Variants in AOPEP observed in about 807,000 individuals in gnomAD.
The protein encoded by AOPEP is aminopeptidase O (putative).
A neutral mutation model predicts 98.1 loss-of-function variants in AOPEP; 77 were observed. That is an observed-to-expected ratio of 0.78 (90% CI 0.65 to 0.95). The LOEUF (loss-of-function observed/expected upper bound fraction) is 0.95. Among genes scored for constraint, AOPEP ranks in the 40% least tolerant of loss-of-function variants. The pLI, the probability that AOPEP is intolerant of heterozygous loss-of-function variation, is 0.00. For missense variants in AOPEP, 1,024 were observed against 1,024.7 expected, an observed-to-expected ratio of 1.00 and a Z score of 0.01; for synonymous variants, 346 against 365.3, an observed-to-expected ratio of 0.95 and a Z score of 0.60.
At chr9:95,111,846 C>T in the AOPEP span, among the ~76,000 whole-genome samples, 1 of 152,166 alleles carries the variant, frequency 6.6e-6, no homozygotes, top group Non-Finnish European at 1.5e-5. Context: ...CCTCTCAGGA[C>T]CCCCGTGAGG....
At chr9:94,964,499 G>A (rs756371288) in intron 9 of AOPEP, among the ~76,000 whole-genome samples, 5 of 151,934 alleles carry the variant, frequency 3.3e-5, no homozygotes, top group African/African-American at 4.8e-5. Context: ...AATTCCCCCC[G>A]TTGCCATTGA....
chr9:94,747,360 C>G (rs1157581101), intron 1 of AOPEP, among the ~76,000 whole-genome samples: 1 of 152,002 alleles, frequency 6.6e-6, no homozygotes, highest in African/African-American at 2.4e-5. Flanking sequence ...ATGACATTGC[C>G]CCACGGGTAT....
At chr9:95,101,905 C>T in the AOPEP span, 1 of 1,608,486 alleles carries the variant, frequency 6.2e-7, no homozygotes. Flanking sequence ...ACAGATTTGT[C>T]CTTTGTCCAG....
rs921504091 is a variant in AOPEP at position 94,864,159 on chromosome 9, A to G, written c.1365-59827A>G. Among the ~76,000 whole-genome samples, 7 of 152,176 alleles carry G rather than the reference A, an allele frequency of 4.6e-5. 1 individual carries two copies. The highest frequency in any genetic ancestry group is 4.4e-5 in the Non-Finnish European group (3 of 68,028). ...TTTTGCATCTGCTATGTTCTGTGGT[A>G]ATTATTAGAGATAGAACAGAGAAAA... On this transcript the variant is annotated intron_variant, in intron 5 of 16. Coordinates refer to ENST00000375315, the MANE Select transcript of AOPEP (RefSeq NM_001193329.3).
rs1048284988 is a variant in AOPEP, at chr9:94,916,628, C to G, written c.1365-7358C>G. On this transcript the variant is annotated intron_variant, in intron 5 of 16. Coordinates refer to ENST00000375315, the MANE Select transcript of AOPEP (RefSeq NM_001193329.3). ...CTGAGACCAGAGAATTGCTTGAACCCGGGAGGTGGAGGTTGCAGTAAGCGC... is the reference window on the plus strand; with the variant it reads ...CTGAGACCAGAGAATTGCTTGAACCGGGGAGGTGGAGGTTGCAGTAAGCGC... Among the ~76,000 whole-genome samples the G allele has an allele frequency of 3.3e-5, 5 of 150,510 alleles. No individual in the cohort carries two copies. In the East Asian group the frequency reaches 9.8e-4, roughly 29 times the overall value.
intron 7 of AOPEP, among the ~76,000 whole-genome samples, chr9:94,946,478 G>C (rs2057642676): frequency 1.3e-5 from 2 of 151,996 alleles, no homozygotes; most frequent in African/African-American, 2.4e-5. Flanking sequence ...GCTTCTACCT[G>C]AGCAGTTCCA....
chr9:94,928,347 C>A, intron 6 of AOPEP, 78 bp from the exon 7 acceptor site: 1 of 1,040,022 alleles, frequency 9.6e-7, no homozygotes, highest in Non-Finnish European at 1.4e-6. Context: ...CCCATTGAAA[C>A]AAAGTGAGCC....
chr9:95,137,357 G>A, the AOPEP span, among the ~76,000 whole-genome samples: 1 of 152,148 alleles, frequency 6.6e-6, no homozygotes, highest in Non-Finnish European at 1.5e-5. Context: ...CTGCGGAGGA[G>A]CTGGCAGAAG....
intron 5 of AOPEP, among the ~76,000 whole-genome samples, chr9:94,903,217 A>T (rs537347166): frequency 1.3e-5 from 2 of 151,862 alleles, no homozygotes; most frequent in East Asian, 4.0e-4. Context: ...TCCTGACCTC[A>T]AGTCATCCAC....
the AOPEP span, among the ~76,000 whole-genome samples, chr9:95,107,887 A>C: frequency 6.6e-6 from 1 of 152,206 alleles, no homozygotes; most frequent in Non-Finnish European, 1.5e-5. Flanking sequence ...GAACCCACAT[A>C]ATAATGGTAA....
intron 5 of AOPEP, among the ~76,000 whole-genome samples, chr9:94,861,923 CCT>C (rs1222853044): frequency 6.6e-6 from 1 of 152,174 alleles, no homozygotes; most frequent in African/African-American, 2.4e-5. Context: ...CTCTTCTTGT[CCT>C]CAGAGTTGTT....
chr9:94,730,795 A>T (rs1030705017), intron 1 of AOPEP, among the ~76,000 whole-genome samples: 76 of 152,346 alleles, frequency 5.0e-4, no homozygotes, highest in African/African-American at 1.8e-3. Flanking sequence ...TGTAGTCATC[A>T]TCACAGTGGT....
the AOPEP span, among the ~76,000 whole-genome samples, chr9:95,094,905 C>T: frequency 7.9e-5 from 12 of 152,192 alleles, no homozygotes; most frequent in Non-Finnish European, 1.2e-4. Flanking sequence ...ACCTCGTGAT[C>T]TGCCTGCCTG....
chr9:94,986,144 T>A (rs1200819983), intron 11 of AOPEP, among the ~76,000 whole-genome samples: 4 of 152,160 alleles, frequency 2.6e-5, no homozygotes, highest in African/African-American at 9.7e-5. Flanking sequence ...CCAACAGCGT[T>A]GGTTTCTGGT....
At chr9:94,877,197 C>T (rs1396866348) in intron 5 of AOPEP, among the ~76,000 whole-genome samples, 1 of 152,104 alleles carries the variant, frequency 6.6e-6, no homozygotes, top group Non-Finnish European at 1.5e-5. Flanking sequence ...CCAAACCAGA[C>T]AGGAAGCAGA....
intron 3 of AOPEP, among the ~76,000 whole-genome samples, chr9:94,778,427 A>G (rs890085415): frequency 2.0e-5 from 3 of 148,052 alleles, no homozygotes; most frequent in African/African-American, 7.8e-5. Flanking sequence ...CACACAATGG[A>G]CCACTACTGA....
chr9:94,903,545 T>C (rs1588800908), intron 5 of AOPEP, among the ~76,000 whole-genome samples: 1 of 151,266 alleles, frequency 6.6e-6, no homozygotes, highest in Non-Finnish European at 1.5e-5. Flanking sequence ...TTCCAGTACA[T>C]TGGGAGGCTG....
chr9:95,000,799 A>G (rs1184869034), intron 11 of AOPEP, among the ~76,000 whole-genome samples: 1 of 152,136 alleles, frequency 6.6e-6, no homozygotes, highest in Non-Finnish European at 1.5e-5. Flanking sequence ...ACTTAATCCA[A>G]CCTTGATTTT....
intron 7 of AOPEP, among the ~76,000 whole-genome samples, chr9:94,950,368 C>A (rs1339812103): frequency 1.3e-5 from 2 of 152,304 alleles, no homozygotes; most frequent in East Asian, 3.9e-4. Context: ...CTGGGAGCTG[C>A]CCCAGTGACT....
Sources: gnomAD v4.1 joint callset for allele counts (sites outside exome capture counted in the v4.1 genomes callset) on GRCh38, gnomAD v4.1.1 for gene constraint, MANE v1.5 for transcripts, NCBI Gene and HGNC (gene_info 2026-07-23, HGNC 2026-07-21) for gene names.